SPAG17: variants seen among roughly 807,000 people sequenced by gnomAD.
SPAG17 encodes the protein sperm associated antigen 17.
Under a neutral mutation model 273.6 loss-of-function variants are expected in SPAG17, and 169 were observed. The ratio of observed to expected loss-of-function variants is 0.62; its 90% confidence interval spans 0.55 to 0.70. SPAG17 has a LOEUF of 0.70. Ranked by LOEUF, SPAG17 falls within the 30% of genes least tolerant of loss-of-function variation. The probability of loss-of-function intolerance (pLI) is 0.00; values close to 1 mark genes in which losing one functional copy is unlikely to be tolerated. For synonymous variants in SPAG17, 825 were observed against 873.2 expected (o/e 0.94, Z 0.97); for missense variants, 2,557 against 2,627.8 (o/e 0.97, Z 0.59).
chr1:118,149,251 T>C (rs1659240896), intron 3 of SPAG17, among the ~76,000 whole-genome samples: 1 of 152,200 alleles, frequency 6.6e-6, no homozygotes, highest in Admixed American at 6.5e-5. Context: ...GGAATGGCTT[T>C]CTAACTTAAC....
At chr1:117,987,595 T>C (rs184303160) in intron 40 of SPAG17, among the ~76,000 whole-genome samples, 7 of 152,298 alleles carry the variant, frequency 4.6e-5, no homozygotes, top group Non-Finnish European at 8.8e-5. Flanking sequence ...CTAAAGCACA[T>C]TGAGGGCCTA....
chr1:118,045,218 G>A (rs940913980), intron 20 of SPAG17, among the ~76,000 whole-genome samples: 5 of 152,168 alleles, frequency 3.3e-5, no homozygotes, highest in Non-Finnish European at 5.9e-5. Flanking sequence ...GCTCTAATGA[G>A]GCAACTCTTG....
chr1:118,084,813 T>A (rs890700486), intron 13 of SPAG17, among the ~76,000 whole-genome samples: 4 of 152,218 alleles, frequency 2.6e-5, no homozygotes, highest in Non-Finnish European at 5.9e-5. Context: ...ATGTTTTCTT[T>A]TTTTTTCCAC....
chr1:118,022,087 G>A (rs1215396592), intron 28 of SPAG17, among the ~76,000 whole-genome samples: 7 of 152,084 alleles, frequency 4.6e-5, no homozygotes, highest in Non-Finnish European at 1.0e-4. Flanking sequence ...GATCATTAAA[G>A]GCATATGAGA....
chr1:118,044,875 G>T (rs150649008), intron 20 of SPAG17, among the ~76,000 whole-genome samples: 3 of 152,040 alleles, frequency 2.0e-5, no homozygotes, highest in African/African-American at 7.2e-5. Context: ...CTCCAGCCAC[G>T]TTTCCTGTAC....
chr1:118,010,277 ACCGT>A (rs1191193703), intron 30 of SPAG17, among the ~76,000 whole-genome samples: 58 of 132,100 alleles, frequency 4.4e-4, no homozygotes, highest in African/African-American at 1.4e-3. Flanking sequence ...GCTGGAGGCA[ACCGT>A]AACCGTGCTA....
intron 48 of SPAG17, chr1:117,955,350 C>G: frequency 1.2e-6 from 2 of 1,612,136 alleles, no homozygotes; most frequent in Non-Finnish European, 1.7e-6. Flanking sequence ...TTAAAGGGAT[C>G]AAGTCGAGGT....
At position 118,023,284 on chromosome 1, in the gene SPAG17, TGA is replaced by T. The variant is rs773329808; in HGVS notation, c.4069+18_4069+19del. 27 of 1,597,698 alleles carry T rather than the reference TGA, an allele frequency of 1.7e-5. No individual in the cohort carries two copies. In the East Asian group the frequency reaches 5.8e-4, roughly 34 times the overall value. Reference sequence around the variant, plus strand: ...AGGCTTTACTAAATCCATAATAAACTGAGAGGCTTCAATTGTTACCTTTCTTT... The same window carrying T: ...AGGCTTTACTAAATCCATAATAAACTGAGGCTTCAATTGTTACCTTTCTTT... On this transcript the variant is annotated intron_variant, in intron 28 of 48. Coordinates refer to ENST00000336338, the MANE Select transcript of SPAG17 (RefSeq NM_206996.4).
intron 28 of SPAG17, among the ~76,000 whole-genome samples, chr1:118,020,468 C>G (rs1660395087): frequency 6.6e-6 from 1 of 151,186 alleles, no homozygotes; most frequent in Non-Finnish European, 1.5e-5. Context: ...GAAAGGAAGT[C>G]ATTGCATAAT....
chr1:118,145,627 C>T (rs1291309596), intron 3 of SPAG17, among the ~76,000 whole-genome samples: 2 of 151,600 alleles, frequency 1.3e-5, no homozygotes, highest in Non-Finnish European at 2.9e-5. Flanking sequence ...AATAGAAAGG[C>T]CCGTAGAAAT....
intron 1 of SPAG17, among the ~76,000 whole-genome samples, chr1:118,173,773 T>C (rs1660534840): frequency 6.6e-6 from 1 of 151,738 alleles, no homozygotes; most frequent in Non-Finnish European, 1.5e-5. Context: ...CTTGGGAAGA[T>C]TGCTTGAGCC....
chr1:118,098,106 T>G (rs1655833772), intron 6 of SPAG17, among the ~76,000 whole-genome samples: 1 of 152,238 alleles, frequency 6.6e-6, no homozygotes, highest in Admixed American at 6.5e-5. Flanking sequence ...AGGAAGATTA[T>G]GACTACGTCA....
At chr1:118,044,434 G>A (rs1294047359) in intron 20 of SPAG17, among the ~76,000 whole-genome samples, 6 of 151,786 alleles carry the variant, frequency 4.0e-5, no homozygotes, top group South Asian at 4.2e-4. Flanking sequence ...GCAGTGAGCC[G>A]AGATCGCACC....
chr1:117,994,343 G>T, intron 35 of SPAG17, 63 bp downstream of exon 35: 1 of 1,506,622 alleles, frequency 6.6e-7, no homozygotes, highest in Non-Finnish European at 8.9e-7. Flanking sequence ...TTAAGACTCT[G>T]GTCCATTGCC....
intron 28 of SPAG17, among the ~76,000 whole-genome samples, chr1:118,017,810 AAATCTT>A (rs1431834901): frequency 6.6e-6 from 1 of 152,192 alleles, no homozygotes; most frequent in Non-Finnish European, 1.5e-5. Context: ...GCAGATCCTG[AAATCTT>A]AATCATCTAT....
chr1:118,048,330 G>C (rs537326847), intron 20 of SPAG17, among the ~76,000 whole-genome samples: 1 of 151,964 alleles, frequency 6.6e-6, no homozygotes, highest in South Asian at 2.1e-4. Flanking sequence ...CTGGTGACAG[G>C]CTGGCTGCTG....
intron 28 of SPAG17, among the ~76,000 whole-genome samples, chr1:118,019,489 AG>A (rs1660300175): frequency 6.6e-6 from 1 of 152,120 alleles, no homozygotes; most frequent in South Asian, 2.1e-4. Context: ...TAAAAGTTCA[AG>A]GCCTCTTAAA....
chr1:118,028,301 A>T lies in SPAG17; in HGVS notation c.3703T>A (p.Leu1235Met). Residue 1235 changes from leucine (L) to methionine (M), a missense_variant, in exon 26 of 49, where the codon TTG (leucine) becomes ATG (methionine). Leu to Met is a conservative substitution (Grantham distance 15). Transcript: ENST00000336338. ...LNVSCPSGLL[L>M]TFIGQESTGQ... ...GTAGATTCTTGTCCAATGAAAGTCAACAGGAGCCCACTGGGGCAAGACACA... is the reference window on the plus strand; with the variant it reads ...GTAGATTCTTGTCCAATGAAAGTCATCAGGAGCCCACTGGGGCAAGACACA... 2 of 1,613,710 alleles carry T rather than the reference A, an allele frequency of 1.2e-6. No homozygotes were observed. Among genetic ancestry groups the T allele is most frequent in the Non-Finnish European group, 1.7e-6 (2 of 1,179,698 alleles).
At position 118,151,326 on chromosome 1, in the gene SPAG17, A is replaced by G. The variant is rs376848064; in HGVS notation, c.131T>C (p.Ile44Thr). The change falls in exon 2 of 49, where the codon ATT becomes ACT. Residue 44 changes from isoleucine (I) to threonine (T), a missense_variant. Coordinates refer to ENST00000336338, the MANE Select transcript of SPAG17 (RefSeq NM_206996.4). ...ASIAFVVGNQ[I>T]EDDLLIQALT... ...GGCTTGGATGAGAAGATCATCTTCA[A>G]TCTGGTTCCCAACCACAAAAGCAAT... 17 of 1,612,964 alleles carry G rather than the reference A, an allele frequency of 1.1e-5. No homozygotes were observed. Among genetic ancestry groups the G allele is most frequent in the East Asian group, 2.2e-5 (1 of 44,862 alleles).
Sources: allele counts gnomAD v4.1 joint callset (sites outside exome capture counted in the v4.1 genomes callset), GRCh38; gene constraint gnomAD v4.1.1; transcripts MANE v1.5; gene names NCBI Gene and HGNC (gene_info 2026-07-23, HGNC 2026-07-21).